DGKB: variants seen among roughly 807,000 people sequenced by gnomAD.
The protein encoded by DGKB is 90 kDa diacylglycerol kinase.
In DGKB, 67 loss-of-function variants were observed where a neutral mutation model predicts 114.3. The ratio of observed to expected loss-of-function variants is 0.59; its 90% CI spans 0.48 to 0.72. The LOEUF is 0.72. Among genes scored for constraint, DGKB ranks in the 30% least tolerant of loss-of-function variants. The pLI, the probability that DGKB is intolerant of heterozygous loss-of-function variation, is 0.00. For missense variants in DGKB, 907 were observed against 975.2 expected (o/e 0.93, Z 0.93); for synonymous variants, 398 against 323.1 (o/e 1.23, Z -2.49).
chr7:14,547,750 C>A (rs938401822), intron 20 of DGKB, among the ~76,000 whole-genome samples: 17 of 151,922 alleles, frequency 1.1e-4, no homozygotes, highest in Non-Finnish European at 5.9e-5. Context: ...CACATGACAG[C>A]TAAAAGCAGG....
At chr7:14,587,385 G>T (rs761730483) in intron 17 of DGKB, among the ~76,000 whole-genome samples, 1 of 151,920 alleles carries the variant, frequency 6.6e-6, no homozygotes, top group Admixed American at 6.6e-5. Context: ...GACTTTTAGA[G>T]ATAAGCAAAA....
In DGKB at chr7:14,278,297, A is replaced by G. The variant is rs76621627; in HGVS notation, c.2122+60218T>C. 1.9e-3 allele frequency among the ~76,000 whole-genome samples: 291 copies of G among 152,012 alleles called. 3 individuals are homozygous for G. Among genetic ancestry groups the G allele is most frequent in the African/African-American group, 6.6e-3 (271 of 41,264 alleles). Reference sequence around the variant, plus strand: ...ATAGCACTGGCATAAAAACAGGCATACAGACCAATGGAATGGGATAGAAAA... The same window carrying G: ...ATAGCACTGGCATAAAAACAGGCATGCAGACCAATGGAATGGGATAGAAAA... On this transcript the variant is annotated intron_variant, in intron 23 of 25. Transcript: ENST00000402815.
intron 4 of DGKB, among the ~76,000 whole-genome samples, chr7:14,741,105 C>G (rs6461125): frequency 0.82 from 124,445 of 152,026 alleles, 52,863 homozygotes; most frequent in Non-Finnish European, 0.94. Context: ...ATGGTTAATC[C>G]TGTCTCCATA....
chr7:14,280,529 G>C lies in DGKB; in HGVS notation c.2122+57986C>G, dbSNP rs560806778. 2.0e-3 allele frequency among the ~76,000 whole-genome samples: 292 copies of C among 148,268 alleles called. 3 individuals are homozygous for C. The highest frequency in any genetic ancestry group is 6.7e-3 in the African/African-American group (272 of 40,644). ...AGAGAACGCCACAAAGATACTCCTC[G>C]AGAAGAGCAACTCCAAGACACATAA... On this transcript the variant is annotated intron_variant, in intron 23 of 25. Transcript: ENST00000402815.
At chr7:14,934,236 C>T (rs1261172338) in intron 1 of DGKB, among the ~76,000 whole-genome samples, 3 of 152,128 alleles carry the variant, frequency 2.0e-5, no homozygotes, top group Non-Finnish European at 4.4e-5. Flanking sequence ...CTCTTGACTT[C>T]ACTAATATCC....
rs892665320 is a variant in DGKB, at chr7:14,339,603, C to A, written c.1927-893G>T. 3.0e-3 allele frequency among the ~76,000 whole-genome samples: 452 copies of A among 152,130 alleles called. 8 individuals are homozygous for A. Among genetic ancestry groups the A allele is most frequent in the Non-Finnish European group, 5.6e-4 (38 of 67,956 alleles). On this transcript the variant is annotated intron_variant, in intron 22 of 25. Transcript: ENST00000402815. ...TTTTCCATTCATTTCCACTACTGGACATATGTGGACAGTGACAAGACTATT... is the reference window on the plus strand; with the variant it reads ...TTTTCCATTCATTTCCACTACTGGAAATATGTGGACAGTGACAAGACTATT...
At chr7:14,709,047 G>A (rs77399923) in intron 6 of DGKB, among the ~76,000 whole-genome samples, 129,252 of 135,366 alleles carry the variant, frequency 0.95, 62,020 homozygotes, top group East Asian at 1. Context: ...AATGGGAGAA[G>A]ATTTTCGCAA....
At chr7:14,696,368 G>A (rs1386487522) in intron 8 of DGKB, among the ~76,000 whole-genome samples, 4 of 151,766 alleles carry the variant, frequency 2.6e-5, no homozygotes, top group East Asian at 1.9e-4. Flanking sequence ...GGTGGCGGGC[G>A]CCTGTAGTCC....
chr7:14,609,108 C>G (rs1805048097), intron 16 of DGKB, among the ~76,000 whole-genome samples: 2 of 152,128 alleles, frequency 1.3e-5, no homozygotes, highest in South Asian at 4.1e-4. Flanking sequence ...ATAGCCAAAG[C>G]AAGCCTAAGC....
chr7:14,966,319 C>T (rs891551173), intron 1 of DGKB, among the ~76,000 whole-genome samples: 1 of 151,950 alleles, frequency 6.6e-6, no homozygotes, highest in East Asian at 1.9e-4. Context: ...TAAAAACTTA[C>T]TAAATAATTT....
chr7:14,156,046 G>C (rs1782969977), intron 25 of DGKB, among the ~76,000 whole-genome samples: 1 of 152,120 alleles, frequency 6.6e-6, no homozygotes, highest in Non-Finnish European at 1.5e-5. Flanking sequence ...CCATTTAAGA[G>C]TGCAGCAGGA....
chr7:14,537,467 C>A (rs532459391), intron 20 of DGKB, among the ~76,000 whole-genome samples: 1 of 152,070 alleles, frequency 6.6e-6, no homozygotes, highest in African/African-American at 2.4e-5. Flanking sequence ...AATAGAGAGC[C>A]CAGAAGTGAA....
rs1040838896 is a variant in DGKB, at chr7:14,167,142, C to T, written c.2304+9697G>A. Among the ~76,000 whole-genome samples the T allele has an allele frequency of 8.0e-5, 11 of 137,122 alleles. 1 individual carries two copies. The highest frequency in any genetic ancestry group is 1.1e-4 in the Non-Finnish European group (7 of 66,020). 90.0% of individuals were successfully genotyped at this position (137,122 alleles called of 152,430 possible). On this transcript the variant is annotated intron_variant, in intron 25 of 25. Transcript: ENST00000402815. ...ATGAGAATTGCTTGAACCCGGGAGGCGGAGGTTGCAGTGAGCCAACTTCAT... is the reference window on the plus strand; with the variant it reads ...ATGAGAATTGCTTGAACCCGGGAGGTGGAGGTTGCAGTGAGCCAACTTCAT...
intron 21 of DGKB, among the ~76,000 whole-genome samples, chr7:14,348,974 G>A (rs972745748): frequency 2.0e-5 from 3 of 152,012 alleles, no homozygotes; most frequent in Admixed American, 1.3e-4. Flanking sequence ...TTGATCTTAT[G>A]ATTAAGAAGA....
chr7:14,366,917 G>A (rs182254518), intron 21 of DGKB, among the ~76,000 whole-genome samples: 7 of 152,152 alleles, frequency 4.6e-5, no homozygotes, highest in African/African-American at 1.7e-4. Flanking sequence ...TATAACTTGC[G>A]TTATAGCCTG....
intron 23 of DGKB, among the ~76,000 whole-genome samples, chr7:14,300,256 T>C (rs566020164): frequency 6.6e-6 from 1 of 152,244 alleles, no homozygotes; most frequent in East Asian, 1.9e-4. Flanking sequence ...AATAGCAAAG[T>C]GCACCTCATT....
intron 21 of DGKB, among the ~76,000 whole-genome samples, chr7:14,477,591 A>T (rs1366902721): frequency 6.6e-6 from 1 of 152,194 alleles, no homozygotes; most frequent in Non-Finnish European, 1.5e-5. Context: ...GTGAAGGTCA[A>T]TGTCTACATT....
intron 23 of DGKB, among the ~76,000 whole-genome samples, chr7:14,183,332 T>TTTTTCCTGACCTAC (rs1311065117): frequency 6.6e-6 from 1 of 152,232 alleles, no homozygotes; most frequent in East Asian, 1.9e-4. Flanking sequence ...TAAATGCCTG[T>TTTTTCCTGACCTAC]TTTTCCTGAC....
chr7:14,590,354 G>A (rs940775049), intron 17 of DGKB, among the ~76,000 whole-genome samples: 6 of 151,784 alleles, frequency 4.0e-5, no homozygotes, highest in Non-Finnish European at 7.4e-5. Flanking sequence ...TGTAAAACAC[G>A]GCAGTAGCTG....
Sources: allele counts gnomAD v4.1 joint callset (sites outside exome capture counted in the v4.1 genomes callset), GRCh38; gene constraint gnomAD v4.1.1; transcripts MANE v1.5; gene names NCBI Gene and HGNC (gene_info 2026-07-23, HGNC 2026-07-21).